The following ALOX5 variants were observed in gnomAD, a reference collection of about 807,000 sequenced individuals.
ALOX5 encodes the protein polyunsaturated fatty acid 5-lipoxygenase.
Under a neutral mutation model 87.9 loss-of-function variants are expected in ALOX5, and 64 were observed. The observed-to-expected ratio is 0.73, with a 90% CI of 0.60 to 0.90. ALOX5 has a LOEUF of 0.90. Among genes scored for constraint, ALOX5 ranks in the 40% least tolerant of loss-of-function variants. ALOX5 has a pLI of 0.00. For missense variants in ALOX5, 822 were observed against 907.5 expected, an observed-to-expected ratio of 0.91 and a Z score of 1.21; for synonymous variants, 388 against 355.1, an observed-to-expected ratio of 1.09 and a Z score of -1.04.
Position 45,382,626 on chromosome 10 carries a change from C to T in ALOX5, c.294C>T (p.Phe98=). 2.5e-6 allele frequency: 4 copies of T among 1,614,050 alleles called. No individual in the cohort carries two copies. The highest frequency in any genetic ancestry group is 2.2e-5 in the East Asian group (1 of 44,892). ...CGCCCCACGGGGACTACATCGAGTT[C>T]CCCTGCTACCGCTGGATCACCGGCG... is the stretch of plus-strand genomic sequence containing the variant. ...LKTPHGDYIE[F]PCYRWITGDV... The change falls in exon 2 of 14, where the codon TTC becomes TTT. Residue 98 remains phenylalanine, a synonymous_variant. Coordinates refer to ENST00000374391, the MANE Select transcript of ALOX5 (RefSeq NM_000698.5).
rs146109272 is a variant in ALOX5, at chr10:45,402,299, T to C, written c.431+6363T>C. ...GAGAAATCCCACACCAAGAACACAA[T>C]TGCCCCACCTCAAAACTGTCTTAGC... is the stretch of plus-strand genomic sequence containing the variant. On this transcript the variant is annotated intron_variant, in intron 3 of 13. Transcript: ENST00000374391. 4.9e-4 allele frequency among the ~76,000 whole-genome samples: 75 copies of C among 152,192 alleles called. No homozygotes were observed. In the East Asian group the frequency reaches 0.013, roughly 25 times the overall value.
intron 7 of ALOX5, among the ~76,000 whole-genome samples, chr10:45,436,519 AT>A (rs1399104474): frequency 6.6e-6 from 1 of 151,950 alleles, no homozygotes; most frequent in Non-Finnish European, 1.5e-5. Flanking sequence ...TCCTTTCCTT[AT>A]TGTTTATTTT....
At chr10:45,393,751 G>C (rs185289750) in intron 2 of ALOX5, among the ~76,000 whole-genome samples, 190 of 152,310 alleles carry the variant, frequency 1.2e-3, no homozygotes, top group African/African-American at 4.2e-3. Context: ...GGCAACTTCA[G>C]CAAAGTCTCA....
At chr10:45,424,939 G>A (rs1841642993) in intron 5 of ALOX5, 21 bp from the exon 6 acceptor site, 1 of 1,613,546 alleles carries the variant, frequency 6.2e-7, no homozygotes, top group Non-Finnish European at 8.5e-7. Flanking sequence ...CTCAGGGTGG[G>A]CCTCGCTTTT....
chr10:45,395,479 A>T (rs1035295683), intron 2 of ALOX5, among the ~76,000 whole-genome samples: 1 of 152,210 alleles, frequency 6.6e-6, no homozygotes, highest in Non-Finnish European at 1.5e-5. Flanking sequence ...AGGGGGAGGG[A>T]TAGCATTAGG....
At chr10:45,392,297 C>T (rs191178220) in intron 2 of ALOX5, among the ~76,000 whole-genome samples, 1,925 of 152,210 alleles carry the variant, frequency 0.013, 17 homozygotes, top group Non-Finnish European at 0.022. Context: ...ATTGAGAAAT[C>T]GGATGGTTGC....
In ALOX5 at chr10:45,425,449, A is replaced by G. The variant is rs902549239; in HGVS notation, c.834+317A>G. On this transcript the variant is annotated intron_variant, in intron 6 of 13. Transcript: ENST00000374391. The surrounding 1 kb of genome is among the most constrained non-coding windows in gnomAD (Gnocchi z 4.4). ...CTTGATTAGGGGCCTGTGGTGGGACAGGCATTGTGACAGGTGCTTTACACA... is the reference window on the plus strand; with the variant it reads ...CTTGATTAGGGGCCTGTGGTGGGACGGGCATTGTGACAGGTGCTTTACACA... Among the ~76,000 whole-genome samples the G allele has an allele frequency of 1.1e-4, 16 of 152,216 alleles. No homozygotes were observed. Among genetic ancestry groups the G allele is most frequent in the Admixed American group, 1.3e-4 (2 of 15,282 alleles).
chr10:45,412,268 T>C lies in ALOX5; in HGVS notation c.509T>C (p.Phe170Ser). Residue 170 changes from phenylalanine (F) to serine (S), a missense_variant, in exon 4 of 14, where the codon TTT becomes TCT. Phe to Ser is a radical substitution (Grantham distance 155). Transcript: ENST00000374391. ...AAGGATTTACCCCGTGATATCCAGT[T>C]TGATAGTGAAAAAGGAGTGGACTTT... is the stretch of plus-strand genomic sequence containing the variant. Reference protein sequence around the residue: ...CHKDLPRDIQFDSEKGVDFVL... With the variant: ...CHKDLPRDIQSDSEKGVDFVL... The C allele has an allele frequency of 6.2e-7, 1 of 1,614,136 alleles. No individual in the cohort carries two copies. Among genetic ancestry groups the C allele is most frequent in the Non-Finnish European group, 8.5e-7 (1 of 1,180,022 alleles).
chr10:45,375,018 G>A (rs994031884), intron 1 of ALOX5, among the ~76,000 whole-genome samples: 3 of 152,192 alleles, frequency 2.0e-5, no homozygotes, highest in African/African-American at 7.2e-5. Flanking sequence ...GCTGAAAATG[G>A]AGGGTTGGCT....
At chr10:45,387,287 G>A (rs367776697) in intron 2 of ALOX5, among the ~76,000 whole-genome samples, 30 of 152,174 alleles carry the variant, frequency 2.0e-4, no homozygotes, top group East Asian at 7.7e-4. Flanking sequence ...GTGTAGGCAC[G>A]ACAGGAAACC....
intron 4 of ALOX5, among the ~76,000 whole-genome samples, chr10:45,420,651 C>T (rs1383944711): frequency 2.6e-5 from 4 of 152,246 alleles, no homozygotes. Context: ...GCTTGGTTTC[C>T]TCGCCGCTGC....
chr10:45,402,878 G>A (rs1274110966), intron 3 of ALOX5, among the ~76,000 whole-genome samples: 1 of 152,190 alleles, frequency 6.6e-6, no homozygotes, highest in Non-Finnish European at 1.5e-5. Context: ...TAAGCAGCAA[G>A]TATACAAAAG....
At chr10:45,424,274 T>C (rs28395866) in intron 5 of ALOX5, 127 bp downstream of exon 5, 46,013 of 781,632 alleles carry the variant, frequency 0.059, 3,351 homozygotes, top group African/African-American at 0.28. Context: ...GCTGCCACCA[T>C]GCCACCCTGG....
At chr10:45,409,361 A>G (rs1218503786) in intron 3 of ALOX5, among the ~76,000 whole-genome samples, 1 of 152,240 alleles carries the variant, frequency 6.6e-6, no homozygotes, top group Admixed American at 6.5e-5. Flanking sequence ...TTCTTTTAAT[A>G]CAAGAGACCA....
At position 45,374,274 on chromosome 10, in the gene ALOX5, C is replaced by T. The variant is rs561240045; in HGVS notation, c.-6C>T. 14 of 1,472,820 alleles carry T rather than the reference C, an allele frequency of 9.5e-6. No individual in the cohort carries two copies. Among genetic ancestry groups the T allele is most frequent in the African/African-American group, 2.9e-5 (2 of 68,060 alleles). The allele number at this position is 1,472,820 out of a possible 1,614,324, so 91.2% of individuals were successfully genotyped here. On this transcript the variant is annotated 5_prime_UTR_variant, in exon 1 of 14. Transcript: ENST00000374391. ...CCCGGCGCTCGCTGCTCCCGCGGCC[C>T]GCGCCATGCCCTCCTACACGGTCAC...
chr10:45,427,125 G>A (rs1003759752), intron 6 of ALOX5, among the ~76,000 whole-genome samples: 2 of 152,202 alleles, frequency 1.3e-5, no homozygotes, highest in African/African-American at 4.8e-5. Context: ...AAATATGAAA[G>A]GGAGGCTTGG....
At position 45,440,449 on chromosome 10, in the gene ALOX5, A is replaced by G. The variant is rs762229821; in HGVS notation, c.1001A>G (p.Asp334Gly). 3.1e-6 allele frequency: 5 copies of G among 1,614,140 alleles called. No individual in the cohort carries two copies. The South Asian group carries it at 5.5e-5, about 18-fold the overall frequency. Residue 334 changes from aspartate to glycine, a missense_variant, in exon 8 of 14, where the codon GAT (aspartate) becomes GGT (glycine). Coordinates refer to ENST00000374391, the MANE Select transcript of ALOX5 (RefSeq NM_000698.5). ...IAIQLNQIPG[D>G]ENPIFLPSDA... ...TATCAGCTCAACCAAATCCCGGGAGATGAGAACCCTATTTTCCTCCCTTCG... is the reference window on the plus strand; with the variant it reads ...TATCAGCTCAACCAAATCCCGGGAGGTGAGAACCCTATTTTCCTCCCTTCG...
chr10:45,379,120 G>A (rs563582636), intron 1 of ALOX5, among the ~76,000 whole-genome samples: 139 of 152,156 alleles, frequency 9.1e-4, no homozygotes, highest in Middle Eastern at 3.4e-3. Flanking sequence ...GGTAGACATC[G>A]GGCCCTCCCT....
Position 45,396,533 on chromosome 10 carries a change from T to C in ALOX5, c.431+597T>C, listed in dbSNP as rs1183872515. Among the ~76,000 whole-genome samples, 3 of 152,302 alleles carry C rather than the reference T, an allele frequency of 2.0e-5. No homozygotes were observed. The South Asian group carries it at 6.2e-4, about 32-fold the overall frequency. ...GACGCAAACTGCCAAAACTGACTCATGAAGAAATAGTTAATCTGAATAAAA... is the reference window on the plus strand; with the variant it reads ...GACGCAAACTGCCAAAACTGACTCACGAAGAAATAGTTAATCTGAATAAAA... On this transcript the variant is annotated intron_variant, in intron 3 of 13. Coordinates refer to ENST00000374391, the MANE Select transcript of ALOX5 (RefSeq NM_000698.5).
Sources: allele counts gnomAD v4.1 joint callset (sites outside exome capture counted in the v4.1 genomes callset), GRCh38; gene constraint gnomAD v4.1.1; non-coding constraint Gnocchi (gnomAD v3.1); transcripts MANE v1.5; gene names NCBI Gene and HGNC (gene_info 2026-07-23, HGNC 2026-07-21).